Variants in LRMDA observed in about 807,000 individuals in gnomAD.
LRMDA encodes the protein leucine-rich melanocyte differentiation-associated protein.
In LRMDA, 18 loss-of-function variants were observed where a neutral mutation model predicts 29.8. The observed-to-expected ratio is 0.60, with a 90% CI of 0.42 to 0.90. LRMDA has a LOEUF of 0.90. Among genes scored for constraint, LRMDA ranks in the 40% least tolerant of loss-of-function variants. The pLI, the probability that LRMDA is intolerant of heterozygous loss-of-function variation, is 0.00. For synonymous variants in LRMDA, 125 were observed against 109.4 expected (o/e 1.14, Z -0.89); for missense variants, 273 against 273.9 (o/e 1.00, Z 0.02).
intron 2 of LRMDA, among the ~76,000 whole-genome samples, chr10:75,616,471 T>A (rs1440631679): frequency 6.6e-6 from 1 of 152,210 alleles, no homozygotes; most frequent in Non-Finnish European, 1.5e-5. Flanking sequence ...ACAGCTGCTA[T>A]AGAGATATGG....
intron 2 of LRMDA, among the ~76,000 whole-genome samples, chr10:75,872,360 G>A (rs1484985945): frequency 6.6e-6 from 1 of 151,970 alleles, no homozygotes; most frequent in African/African-American, 2.4e-5. Context: ...CTGGAGTGCA[G>A]TGGTATGATC....
chr10:76,065,113 T>A (rs1848762214), intron 5 of LRMDA, among the ~76,000 whole-genome samples: 1 of 152,226 alleles, frequency 6.6e-6, no homozygotes, highest in Non-Finnish European at 1.5e-5. Flanking sequence ...GTTTGTTTTT[T>A]CAACCTTATT....
At chr10:75,514,317 T>TC (rs1032780865) in intron 2 of LRMDA, among the ~76,000 whole-genome samples, 17 of 143,280 alleles carry the variant, frequency 1.2e-4, no homozygotes, top group African/African-American at 4.3e-4. Flanking sequence ...TTCTTCTTCT[T>TC]TTTTTTTTTT....
chr10:76,041,995 A>G (rs1848348931), intron 3 of LRMDA, among the ~76,000 whole-genome samples: 1 of 152,168 alleles, frequency 6.6e-6, no homozygotes, highest in African/African-American at 2.4e-5. Context: ...GGTTTCTTCC[A>G]CAGATTGCCT....
chr10:76,234,052 G>A (rs1852106880), intron 5 of LRMDA, among the ~76,000 whole-genome samples: 1 of 152,014 alleles, frequency 6.6e-6, no homozygotes, highest in Admixed American at 6.6e-5. Context: ...ATCCATCAGA[G>A]GAATCACTAT....
intron 2 of LRMDA, among the ~76,000 whole-genome samples, chr10:75,855,742 T>G (rs1472178003): frequency 6.6e-6 from 1 of 152,226 alleles, no homozygotes; most frequent in Non-Finnish European, 1.5e-5. Context: ...AATTTTTGTA[T>G]AAGGTGTAAG....
chr10:76,551,968 TC>T (rs1345775567), intron 6 of LRMDA, among the ~76,000 whole-genome samples: 2 of 152,148 alleles, frequency 1.3e-5, no homozygotes, highest in Non-Finnish European at 2.9e-5. Context: ...CCTGCCTCCA[TC>T]CTAGGGGTAA....
intron 2 of LRMDA, among the ~76,000 whole-genome samples, chr10:75,485,613 C>T (rs2132056557): frequency 6.6e-6 from 1 of 152,012 alleles, no homozygotes; most frequent in Admixed American, 6.6e-5. Context: ...GATGGAGTCT[C>T]ACTCTGTTGC....
At chr10:75,662,583 C>T (rs1445811942) in intron 2 of LRMDA, among the ~76,000 whole-genome samples, 2 of 152,060 alleles carry the variant, frequency 1.3e-5, no homozygotes, top group African/African-American at 2.4e-5. Context: ...TGTGGTTTTC[C>T]GGCTTTGTTA....
At chr10:76,236,267 T>C (rs539661196) in intron 5 of LRMDA, among the ~76,000 whole-genome samples, 1 of 152,316 alleles carries the variant, frequency 6.6e-6, no homozygotes, top group South Asian at 2.1e-4. Context: ...ACCCAGTTCC[T>C]TGTAACTGAA....
chr10:76,225,995 C>T (rs184965654), intron 5 of LRMDA, among the ~76,000 whole-genome samples: 13 of 150,340 alleles, frequency 8.6e-5, no homozygotes, highest in African/African-American at 2.4e-4. Context: ...TTTGTCCTTG[C>T]GATACTTTGC....
intron 6 of LRMDA, among the ~76,000 whole-genome samples, chr10:76,428,938 T>A (rs1241424046): frequency 6.6e-6 from 1 of 152,096 alleles, no homozygotes; most frequent in Non-Finnish European, 1.5e-5. Context: ...TCCATTTGCC[T>A]TTCTCCTTTG....
intron 5 of LRMDA, among the ~76,000 whole-genome samples, chr10:76,217,973 A>G (rs1231978199): frequency 6.6e-6 from 1 of 152,214 alleles, no homozygotes; most frequent in Non-Finnish European, 1.5e-5. Context: ...TGTAATGGAT[A>G]GAAGGAAGAT....
At chr10:76,341,277 A>G (rs768837650) in intron 6 of LRMDA, among the ~76,000 whole-genome samples, 4 of 152,218 alleles carry the variant, frequency 2.6e-5, no homozygotes, top group Non-Finnish European at 4.4e-5. Flanking sequence ...TAAAGTGCCA[A>G]TATTCATGAT....
intron 5 of LRMDA, among the ~76,000 whole-genome samples, chr10:76,117,649 G>C (rs967582040): frequency 6.6e-6 from 1 of 152,222 alleles, no homozygotes; most frequent in Non-Finnish European, 1.5e-5. Flanking sequence ...CTTCGAGTGA[G>C]TTATATAAAA....
chr10:76,040,418 A>G (rs1848321342), intron 3 of LRMDA, among the ~76,000 whole-genome samples: 1 of 151,974 alleles, frequency 6.6e-6, no homozygotes, highest in African/African-American at 2.4e-5. Context: ...CCTCGTGTTG[A>G]TATCCTGCTC....
intron 6 of LRMDA, among the ~76,000 whole-genome samples, chr10:76,552,120 A>G (rs1042070378): frequency 1.3e-5 from 2 of 152,218 alleles, no homozygotes; most frequent in Non-Finnish European, 2.9e-5. Context: ...TAATTATTCT[A>G]TTTTACAAAT....
chr10:76,444,907 A>ATGTACATATATACATATATGTTCATG (rs1202251063), intron 6 of LRMDA, among the ~76,000 whole-genome samples: 2 of 152,150 alleles, frequency 1.3e-5, no homozygotes, highest in Non-Finnish European at 2.9e-5. Flanking sequence ...AATTGTATTC[A>ATGTACATATATACATATATGTTCATG]TGTACATATA....
At chr10:76,129,404 CTATT>C (rs1849945220) in intron 5 of LRMDA, among the ~76,000 whole-genome samples, 1 of 152,174 alleles carries the variant, frequency 6.6e-6, no homozygotes, top group East Asian at 1.9e-4. Context: ...GGGTAGAAGA[CTATT>C]TATAGCTCCC....
Sources: gnomAD v4.1 joint callset for allele counts (sites outside exome capture counted in the v4.1 genomes callset) on GRCh38, gnomAD v4.1.1 for gene constraint, MANE v1.5 for transcripts, NCBI Gene and HGNC (gene_info 2026-07-23, HGNC 2026-07-21) for gene names.